The following LINGO1 variants were observed in gnomAD, a reference collection of about 807,000 sequenced individuals.
The protein encoded by LINGO1 is leucine rich repeat and Ig domain containing 1.
In LINGO1, 11 loss-of-function variants were observed where a neutral mutation model predicts 37.3. The observed-to-expected ratio is 0.29, with a 90% CI of 0.19 to 0.49. The LOEUF is 0.49. Ranked by LOEUF, LINGO1 falls within the 20% of genes least tolerant of loss-of-function variation. The probability of loss-of-function intolerance (pLI) is 0.99; values close to 1 mark genes in which losing one functional copy is unlikely to be tolerated. For missense variants in LINGO1, 585 were observed against 878.2 expected, an observed-to-expected ratio of 0.67 and a Z score of 4.22; for synonymous variants, 387 against 403.0, an observed-to-expected ratio of 0.96 and a Z score of 0.48.
chr15:77,695,899 T>C (rs866971529), intron 1 of LINGO1: 9 of 140,398 alleles, frequency 6.4e-5, no homozygotes, highest in South Asian at 4.6e-4. Flanking sequence ...TTTTTTTTTT[T>C]CAAGAGAGAG....
intron 3 of LINGO1, among the ~76,000 whole-genome samples, chr15:77,661,116 A>T (rs749796703): frequency 2.0e-5 from 3 of 152,230 alleles, no homozygotes; most frequent in Non-Finnish European, 4.4e-5. Context: ...CTGGGTGGGC[A>T]GGCTGGGATG....
intron 3 of LINGO1, among the ~76,000 whole-genome samples, chr15:77,674,827 T>C (rs1391544188): frequency 2.0e-5 from 3 of 151,916 alleles, no homozygotes; most frequent in Admixed American, 6.6e-5. Context: ...TATTTTTCCT[T>C]GTCTGTCTCT....
At chr15:77,775,938 G>A (rs1301147528) in intron 1 of LINGO1, among the ~76,000 whole-genome samples, 2 of 152,056 alleles carry the variant, frequency 1.3e-5, no homozygotes. Flanking sequence ...GCCCTCATTA[G>A]CACAACCTGA....
chr15:77,791,799 C>T (rs2076820541), upstream of LINGO1, among the ~76,000 whole-genome samples: 1 of 152,116 alleles, frequency 6.6e-6, no homozygotes, highest in African/African-American at 2.4e-5. Flanking sequence ...ACAAGTGTTA[C>T]AGAATGATGG....
chr15:77,614,619 T>C lies in LINGO1; in HGVS notation c.1288A>G (p.Lys430Glu), dbSNP rs1444410000. The stretch of plus-strand genomic sequence containing the variant: ...TCGTCCACAAACACCTGCTGGGCCT[T>C]GCGGTCCCGGATGCGGGCGCGGCGG... ...TCRRARIRDRKAQQVFVDEGH... is the reference protein window; with the variant it reads ...TCRRARIRDREAQQVFVDEGH... The change falls in exon 2 of 2, where the codon AAG becomes GAG. Residue 430 changes from lysine (K) to glutamate (E), a missense_variant. Lys to Glu is a moderately conservative substitution (Grantham distance 56). Coordinates refer to ENST00000355300, the MANE Select transcript of LINGO1 (RefSeq NM_032808.7). The C allele has an allele frequency of 2.5e-6, 4 of 1,611,486 alleles. No individual in the cohort carries two copies. The highest frequency in any genetic ancestry group is 3.3e-5 in the Admixed American group (2 of 59,776).
intron 3 of LINGO1, among the ~76,000 whole-genome samples, chr15:77,655,924 C>T (rs1049863628): frequency 1.3e-5 from 2 of 152,230 alleles, no homozygotes. Context: ...CACTTCTGCC[C>T]CGGTCACGTG....
chr15:77,770,308 C>T (rs2076571138), intron 1 of LINGO1, among the ~76,000 whole-genome samples: 1 of 152,168 alleles, frequency 6.6e-6, no homozygotes, highest in Admixed American at 6.5e-5. Flanking sequence ...TGGCAACTGG[C>T]TGGGCGCGGT....
intron 1 of LINGO1, among the ~76,000 whole-genome samples, chr15:77,812,839 A>G (rs2077017017): frequency 6.6e-6 from 1 of 152,378 alleles, no homozygotes; most frequent in South Asian, 2.1e-4. Flanking sequence ...CATCAGGGAC[A>G]GGGAGGGCCG....
chr15:77,773,446 C>T (rs1316617442), intron 1 of LINGO1, among the ~76,000 whole-genome samples: 1 of 152,154 alleles, frequency 6.6e-6, no homozygotes, highest in African/African-American at 2.4e-5. Flanking sequence ...AGGCTGGTCG[C>T]AGTGAAGTTA....
intron 1 of LINGO1, among the ~76,000 whole-genome samples, chr15:77,818,883 C>T (rs1416885939): frequency 1.3e-5 from 2 of 151,178 alleles, no homozygotes; most frequent in Non-Finnish European, 3.0e-5. Flanking sequence ...GACGGCCCGG[C>T]CCGCGCCCCC....
At chr15:77,701,287 G>A (rs2075779242), upstream of LINGO1, among the ~76,000 whole-genome samples, 1 of 152,146 alleles carries the variant, frequency 6.6e-6, no homozygotes, top group African/African-American at 2.4e-5. Flanking sequence ...CCTCTCAGTG[G>A]CTGCAGGTCA....
rs979684477 is a variant in LINGO1, at chr15:77,613,781, G to A, written c.*263C>T. ...TTTATTGAATTATTGACTCTGCCGC[G>A]TGTCGGTTCGTCGGCTTTCAACTCC... On this transcript the variant is annotated 3_prime_UTR_variant, in exon 2 of 2. Transcript: ENST00000355300. 17 of 469,544 alleles carry A rather than the reference G, an allele frequency of 3.6e-5. No homozygotes were observed. The highest frequency in any genetic ancestry group is 5.3e-5 in the Non-Finnish European group (14 of 266,176). 29.1% of individuals were successfully genotyped at this position (469,544 alleles called of 1,614,324 possible).
upstream of LINGO1, among the ~76,000 whole-genome samples, chr15:77,633,263 G>A (rs906839405): frequency 6.9e-6 from 1 of 145,082 alleles, no homozygotes; most frequent in Non-Finnish European, 1.5e-5. Flanking sequence ...GTGTATGCGC[G>A]CACACCGTTG....
chr15:77,787,456 G>A (rs895816536), upstream of LINGO1, among the ~76,000 whole-genome samples: 3 of 151,856 alleles, frequency 2.0e-5, no homozygotes, highest in Non-Finnish European at 2.9e-5. Context: ...GAGCCTCCGG[G>A]AAGTGTGCAG....
At position 77,613,995 on chromosome 15, in the gene LINGO1, C is replaced by T. The variant is rs547315477; in HGVS notation, c.*49G>A. The T allele has an allele frequency of 3.8e-5, 56 of 1,466,968 alleles. No homozygotes were observed. In the East Asian group the frequency reaches 1.3e-3, roughly 35 times the overall value. 90.9% of individuals were successfully genotyped at this position (1,466,968 alleles called of 1,614,324 possible). Reference sequence around the variant, plus strand: ...GGAGAGTGAGCAGGTGGCGGCCAGGCCCCTTCCCCTGCCCGGCCGCCCGGG... The same window carrying T: ...GGAGAGTGAGCAGGTGGCGGCCAGGTCCCTTCCCCTGCCCGGCCGCCCGGG... On this transcript the variant is annotated 3_prime_UTR_variant, in exon 2 of 2. Coordinates refer to ENST00000355300, the MANE Select transcript of LINGO1 (RefSeq NM_032808.7).
intron 2 of LINGO1, among the ~76,000 whole-genome samples, chr15:77,728,238 G>T (rs2076121987): frequency 6.6e-6 from 1 of 152,204 alleles, no homozygotes; most frequent in Admixed American, 6.5e-5. Context: ...CTCTCCCACT[G>T]CCTGGCAGTG....
chr15:77,632,226 G>A lies in LINGO1; in HGVS notation c.6+84C>T. ...CGAGGTGCCCTGCAACCCCAGGAGG[G>A]CGCAGCCAGGGCCGATGGCGGCCCC... On this transcript the variant is annotated intron_variant, in intron 1 of 1. Transcript: ENST00000355300. The surrounding 1 kb of genome is among the most constrained non-coding windows in gnomAD (Gnocchi z 6.0). 1 of 1,284,430 alleles carries A rather than the reference G, an allele frequency of 7.8e-7. No homozygotes were observed. Among genetic ancestry groups the A allele is most frequent in the Non-Finnish European group, 9.9e-7 (1 of 1,014,758 alleles). The allele number at this position is 1,284,430 out of a possible 1,614,324, so 79.6% of individuals were successfully genotyped here.
intron 1 of LINGO1, chr15:77,819,954 TCTCCCCGCTGCTCTCCGTCTGTCTC>T (rs1185105616): frequency 7.5e-4 from 113 of 150,478 alleles, no homozygotes; most frequent in African/African-American, 2.7e-3. Flanking sequence ...CGGTCCTCGT[TCTCCCCGCTGCTCTCCGTCTGTCTC>T]GCCGCCGCCC....
chr15:77,696,738 G>T (rs1157655960), upstream of LINGO1, among the ~76,000 whole-genome samples: 1 of 152,226 alleles, frequency 6.6e-6, no homozygotes, highest in Admixed American at 6.5e-5. Flanking sequence ...CAGTGGCTGA[G>T]TAGGAGCTTC....
Sources: allele counts gnomAD v4.1 joint callset (sites outside exome capture counted in the v4.1 genomes callset), GRCh38; gene constraint gnomAD v4.1.1; non-coding constraint Gnocchi (gnomAD v3.1); transcripts MANE v1.5; gene names NCBI Gene and HGNC (gene_info 2026-07-23, HGNC 2026-07-21).